The following SLC30A6 variants were observed in gnomAD, a reference collection of about 807,000 sequenced individuals.
SLC30A6 encodes the protein zinc transporter 6.
In SLC30A6, 55 loss-of-function variants were observed where a neutral mutation model predicts 63.0. That is an observed-to-expected ratio of 0.87 (90% CI 0.70 to 1.09). SLC30A6 has a LOEUF of 1.09. Among genes scored for constraint, SLC30A6 ranks in the 50% least tolerant of loss-of-function variants. SLC30A6 has a pLI of 0.00. For missense variants in SLC30A6, 587 were observed against 549.2 expected (o/e 1.07, Z -0.69); for synonymous variants, 224 against 186.1 (o/e 1.20, Z -1.66).
chr2:32,205,840 G>A (rs1190207699), intron 11 of SLC30A6, among the ~76,000 whole-genome samples: 2 of 151,294 alleles, frequency 1.3e-5, no homozygotes, highest in African/African-American at 4.9e-5. Context: ...GCTAATTTTT[G>A]TATTTTTAGT....
chr2:32,219,659 C>T (rs1390832610), intron 13 of SLC30A6, among the ~76,000 whole-genome samples: 1 of 152,116 alleles, frequency 6.6e-6, no homozygotes, highest in Non-Finnish European at 1.5e-5. Context: ...TGGTCTCGAA[C>T]TCCTGACCTC....
intron 13 of SLC30A6, among the ~76,000 whole-genome samples, chr2:32,213,025 C>G (rs1685390351): frequency 6.6e-6 from 1 of 151,480 alleles, no homozygotes. Context: ...CCTACCTCAG[C>G]CTTCCCAGTA....
intron 11 of SLC30A6, among the ~76,000 whole-genome samples, chr2:32,205,233 A>G (rs866365545): frequency 5.9e-5 from 9 of 152,284 alleles, no homozygotes; most frequent in Middle Eastern, 3.4e-3. Context: ...AGCCTGGCCA[A>G]CATGGTGAAA....
chr2:32,219,375 T>C (rs1685971011), intron 13 of SLC30A6, among the ~76,000 whole-genome samples: 1 of 151,468 alleles, frequency 6.6e-6, no homozygotes, highest in Non-Finnish European at 1.5e-5. Context: ...CTTCCTCTCT[T>C]CCTTCTCTCC....
intron 13 of SLC30A6, among the ~76,000 whole-genome samples, chr2:32,215,493 C>T (rs907813094): frequency 2.4e-4 from 34 of 143,934 alleles, no homozygotes; most frequent in Non-Finnish European, 4.5e-4. Context: ...CCATGCCTGG[C>T]CATCTATTAT....
intron 13 of SLC30A6, among the ~76,000 whole-genome samples, chr2:32,213,804 T>G (rs1685459865): frequency 8.0e-6 from 1 of 125,654 alleles, no homozygotes; most frequent in African/African-American, 3.2e-5. Flanking sequence ...AACTTTTTTT[T>G]TTTTTTGTTT....
chr2:32,173,812 T>C (rs940362204), intron 2 of SLC30A6, among the ~76,000 whole-genome samples: 1 of 152,256 alleles, frequency 6.6e-6, no homozygotes, highest in Non-Finnish European at 1.5e-5. Flanking sequence ...TTTTCTCAAC[T>C]ATTTGAGAAT....
In SLC30A6 at chr2:32,204,582, C is replaced by T; in HGVS notation, c.666-8C>T. Reference sequence around the variant, plus strand: ...AATTTAAAATTTAGAATTGTTTTTTCCTTTTAGTAATTATTTTGCCGTAGA... The same window carrying T: ...AATTTAAAATTTAGAATTGTTTTTTTCTTTTAGTAATTATTTTGCCGTAGA... On this transcript the variant is annotated splice_polypyrimidine_tract_variant and splice_region_variant and intron_variant, in intron 10 of 13. Coordinates refer to ENST00000282587, the MANE Select transcript of SLC30A6 (RefSeq NM_017964.5). The T allele has an allele frequency of 6.3e-7, 1 of 1,593,864 alleles. No individual in the cohort carries two copies. The highest frequency in any genetic ancestry group is 8.6e-7 in the Non-Finnish European group (1 of 1,164,636).
At chr2:32,214,670 T>A (rs576745141) in intron 13 of SLC30A6, 22 of 152,328 alleles carry the variant, frequency 1.4e-4, no homozygotes, top group African/African-American at 4.8e-4. Context: ...ATGAAGTCCC[T>A]GGTTAAGACC....
chr2:32,202,489 C>T (rs541769248), intron 10 of SLC30A6: 5 of 274,184 alleles, frequency 1.8e-5, no homozygotes, highest in Non-Finnish European at 3.5e-5. Context: ...GCCACCACCC[C>T]CGACTATTTT....
intron 5 of SLC30A6, among the ~76,000 whole-genome samples, chr2:32,185,309 A>G (rs1407305119): frequency 1.3e-5 from 2 of 152,090 alleles, no homozygotes; most frequent in Admixed American, 6.6e-5. Context: ...GCAGTGAGCT[A>G]TAATTGCATC....
intron 3 of SLC30A6, among the ~76,000 whole-genome samples, chr2:32,174,551 T>TTTC (rs1380533206): frequency 7.2e-6 from 1 of 139,452 alleles, no homozygotes; most frequent in Non-Finnish European, 1.6e-5. Flanking sequence ...TCTGGAGATT[T>TTTC]TTTTTTTTTT....
At chr2:32,198,105 A>G (rs1475796356) in intron 10 of SLC30A6, among the ~76,000 whole-genome samples, 1 of 152,226 alleles carries the variant, frequency 6.6e-6, no homozygotes, top group African/African-American at 2.4e-5. Flanking sequence ...TAAGAAAGAG[A>G]TCTGAGCCAC....
chr2:32,198,129 G>A (rs573847389), intron 10 of SLC30A6, among the ~76,000 whole-genome samples: 4 of 152,322 alleles, frequency 2.6e-5, no homozygotes, highest in East Asian at 1.9e-4. Flanking sequence ...TGCTATTGCC[G>A]AGAGAGGGAG....
intron 8 of SLC30A6, among the ~76,000 whole-genome samples, chr2:32,195,025 C>CT (rs1401111236): frequency 6.6e-6 from 1 of 150,558 alleles, no homozygotes; most frequent in Non-Finnish European, 1.5e-5. Context: ...ATTCCTTCCA[C>CT]TTTTTTGTAT....
At chr2:32,209,402 C>T (rs1685059733) in intron 12 of SLC30A6, 91 bp from the exon 13 acceptor site, 3 of 994,132 alleles carry the variant, frequency 3.0e-6, no homozygotes, top group Non-Finnish European at 4.5e-6. Flanking sequence ...GGCTGTCATT[C>T]TTAAGTTTAA....
chr2:32,180,353 A>G (rs999395096), intron 4 of SLC30A6, among the ~76,000 whole-genome samples: 9 of 151,692 alleles, frequency 5.9e-5, no homozygotes, highest in African/African-American at 1.7e-4. Context: ...GCAGTGAGCT[A>G]TGATTGCACC....
At chr2:32,216,192 C>A (rs1323285877) in intron 13 of SLC30A6, among the ~76,000 whole-genome samples, 1 of 152,146 alleles carries the variant, frequency 6.6e-6, no homozygotes, top group African/African-American at 2.4e-5. Context: ...TATAAACACT[C>A]CCTTTTCTCT....
At chr2:32,187,135 AT>A (rs567157253) in intron 5 of SLC30A6, 2 of 470,118 alleles carry the variant, frequency 4.3e-6, no homozygotes, top group Non-Finnish European at 4.4e-6. Context: ...GGACATTGTC[AT>A]TTTTTTGCCT....
Sources: allele counts gnomAD v4.1 joint callset (sites outside exome capture counted in the v4.1 genomes callset), GRCh38; gene constraint gnomAD v4.1.1; transcripts MANE v1.5; gene names NCBI Gene and HGNC (gene_info 2026-07-23, HGNC 2026-07-21).